C8A: variants seen among roughly 807,000 people sequenced by gnomAD.
C8A encodes the protein complement component C8 alpha chain.
Under a neutral mutation model 65.3 loss-of-function variants are expected in C8A, and 67 were observed. That is an observed-to-expected ratio of 1.03 (90% CI 0.84 to 1.26). The LOEUF (loss-of-function observed/expected upper bound fraction) is 1.26. Ranked by LOEUF, C8A falls within the 50% of genes most tolerant of loss-of-function variation. The probability of loss-of-function intolerance (pLI) is 0.00; values close to 1 mark genes in which losing one functional copy is unlikely to be tolerated. For synonymous variants in C8A, 290 were observed against 259.4 expected, an observed-to-expected ratio of 1.12 and a Z score of -1.13; for missense variants, 781 against 723.9, an observed-to-expected ratio of 1.08 and a Z score of -0.90.
rs1644430123 is a variant in C8A, at chr1:56,902,023, ATTCTGCTGTG to A, written c.1097-4639_1097-4630del. Among the ~76,000 whole-genome samples, 4 of 152,152 alleles carry A rather than the reference ATTCTGCTGTG, an allele frequency of 2.6e-5. No homozygotes were observed. The South Asian group carries it at 8.3e-4, about 32-fold the overall frequency. ...AAGTTGTCTCAAATGTTCTTAAAGT[ATTCTGCTGTG>A]TTCTTAAAGTCTCAGGATCATGGCA... On this transcript the variant is annotated intron_variant, in intron 7 of 10. Coordinates refer to ENST00000361249, the MANE Select transcript of C8A (RefSeq NM_000562.3).
intron 7 of C8A, among the ~76,000 whole-genome samples, chr1:56,890,935 TC>T (rs1452111020): frequency 2.0e-5 from 3 of 152,212 alleles, no homozygotes; most frequent in African/African-American, 7.2e-5. Flanking sequence ...ATCTCCTGTT[TC>T]TAGAATGTTC....
At chr1:56,862,149 A>G (rs1310576463) in intron 1 of C8A, among the ~76,000 whole-genome samples, 2 of 152,214 alleles carry the variant, frequency 1.3e-5, no homozygotes, top group Non-Finnish European at 2.9e-5. Flanking sequence ...TGATGCTAAC[A>G]TGTATGCCAG....
chr1:56,915,355 T>C (rs951415047), intron 10 of C8A, among the ~76,000 whole-genome samples: 2 of 152,160 alleles, frequency 1.3e-5, no homozygotes, highest in African/African-American at 4.8e-5. Context: ...GCCAGTTCCA[T>C]CTTCCATGGA....
At chr1:56,858,501 A>T (rs1248541291) in intron 1 of C8A, among the ~76,000 whole-genome samples, 1 of 152,218 alleles carries the variant, frequency 6.6e-6, no homozygotes, top group African/African-American at 2.4e-5. Context: ...CAACTATCTA[A>T]GCTTCTAAAG....
intron 5 of C8A, 35 bp downstream of exon 5, chr1:56,881,669 G>T (rs374504470): frequency 1.3e-6 from 2 of 1,585,728 alleles, no homozygotes; most frequent in Non-Finnish European, 8.6e-7. Flanking sequence ...AGGCCACTGT[G>T]GTGTAGGTGG....
At chr1:56,908,305 T>G (rs1398586834) in intron 9 of C8A, among the ~76,000 whole-genome samples, 192 bp downstream of exon 9, 2 of 152,156 alleles carry the variant, frequency 1.3e-5, no homozygotes, top group African/African-American at 2.4e-5. Context: ...ACGGGACAGC[T>G]GGGATCAGAA....
intron 7 of C8A, among the ~76,000 whole-genome samples, chr1:56,888,363 T>C (rs1490235364): frequency 6.6e-6 from 1 of 152,166 alleles, no homozygotes; most frequent in Non-Finnish European, 1.5e-5. Context: ...AATGCTCTAA[T>C]GAGTATACAT....
Position 56,908,079 on chromosome 1 carries a change from C to A in C8A, c.1346C>A (p.Ser449Ter), listed in dbSNP as rs941777990. The change falls in exon 9 of 11, where the codon TCA (serine) becomes TAA (stop). Residue 449 changes from serine (S) to a stop codon, truncating the protein, a stop_gained. Transcript: ENST00000361249. LOFTEE classifies it high-confidence loss of function. Reference protein sequence around the residue: ...STITYRSWGRSLKYNPVVIDF... With the variant: ...STITYRSWGR ...ATTACATACCGTTCCTGGGGGAGGT[C>A]ATTAAAGTATAATCCTGTTGTTATC... 2 of 1,613,962 alleles carry A rather than the reference C, an allele frequency of 1.2e-6. No homozygotes were observed. The highest frequency in any genetic ancestry group is 2.7e-5 in the African/African-American group (2 of 74,910).
At chr1:56,874,553 C>T (rs1412039790) in intron 2 of C8A, among the ~76,000 whole-genome samples, 1 of 152,152 alleles carries the variant, frequency 6.6e-6, no homozygotes, top group African/African-American at 2.4e-5. Flanking sequence ...AGATGGAGAA[C>T]TACGTGGATG....
intron 1 of C8A, among the ~76,000 whole-genome samples, chr1:56,866,221 A>C (rs2101197376): frequency 6.6e-6 from 1 of 152,368 alleles, no homozygotes; most frequent in African/African-American, 2.4e-5. Flanking sequence ...AGCAGAAATA[A>C]GATTCTAGCT....
chr1:56,913,428 A>G (rs1644526044), intron 10 of C8A, among the ~76,000 whole-genome samples: 1 of 152,236 alleles, frequency 6.6e-6, no homozygotes, highest in African/African-American at 2.4e-5. Context: ...TGCAACATGA[A>G]CCAACTGGTA....
At chr1:56,910,245 A>G (rs1644495361) in intron 9 of C8A, among the ~76,000 whole-genome samples, 2 of 152,092 alleles carry the variant, frequency 1.3e-5, no homozygotes, top group South Asian at 4.1e-4. Flanking sequence ...CGTTTGTGTT[A>G]TGTTATTTTG....
At chr1:56,863,680 A>C (rs1164719013) in intron 1 of C8A, among the ~76,000 whole-genome samples, 1 of 152,242 alleles carries the variant, frequency 6.6e-6, no homozygotes, top group Admixed American at 6.5e-5. Flanking sequence ...ACAGTCTATT[A>C]GAAAAATACG....
chr1:56,914,915 T>A (rs1644539328), intron 10 of C8A, among the ~76,000 whole-genome samples: 1 of 152,164 alleles, frequency 6.6e-6, no homozygotes, highest in Admixed American at 6.5e-5. Flanking sequence ...TAGTCTCAAG[T>A]GATCTGCCCG....
intron 7 of C8A, 84 bp from the exon 8 acceptor site, chr1:56,906,583 C>A (rs749962449): frequency 7.8e-6 from 12 of 1,547,322 alleles, no homozygotes; most frequent in Non-Finnish European, 1.1e-5. Context: ...CTGAAGCTAG[C>A]TTTTACTACT....
At position 56,876,084 on chromosome 1, in the gene C8A, T is replaced by A. The variant is rs1163712962; in HGVS notation, c.339T>A (p.Leu113=). The change falls in exon 4 of 11, where the codon CTT becomes CTA. Residue 113 remains leucine, a synonymous_variant. Coordinates refer to ENST00000361249, the MANE Select transcript of C8A (RefSeq NM_000562.3). ...KETGRCLKRH[L]VCNGDQDCLD... ...CAGGTCGCTGCCTGAAACGCCACCT[T>A]GTGTGTAATGGAGACCAGGACTGCC... The A allele has an allele frequency of 6.2e-7, 1 of 1,613,522 alleles. No homozygotes were observed. Among genetic ancestry groups the A allele is most frequent in the Non-Finnish European group, 8.5e-7 (1 of 1,179,834 alleles).
At chr1:56,867,915 A>T (rs1428743818) in intron 2 of C8A, among the ~76,000 whole-genome samples, 3 of 152,084 alleles carry the variant, frequency 2.0e-5, no homozygotes, top group Admixed American at 2.0e-4. Context: ...GCTGCAAAAG[A>T]TGTATGTTAT....
intron 8 of C8A, among the ~76,000 whole-genome samples, chr1:56,907,124 G>A (rs7520006): frequency 0.12 from 17,795 of 152,186 alleles, 1,122 homozygotes; most frequent in Non-Finnish European, 0.15. Flanking sequence ...TTCAGAGGGA[G>A]GAAATAAGGC....
chr1:56,887,919 T>C (rs1022170999), intron 7 of C8A, among the ~76,000 whole-genome samples: 4 of 151,974 alleles, frequency 2.6e-5, no homozygotes, highest in South Asian at 2.1e-4. Flanking sequence ...CACTCATAAG[T>C]GGGAGTTGAA....
Sources: gnomAD v4.1 joint callset for allele counts (sites outside exome capture counted in the v4.1 genomes callset) on GRCh38, gnomAD v4.1.1 for gene constraint, MANE v1.5 for transcripts, NCBI Gene and HGNC (gene_info 2026-07-23, HGNC 2026-07-21) for gene names.